The following ASB2 variants were observed in gnomAD, a reference collection of about 807,000 sequenced individuals.
ASB2 encodes the protein ankyrin repeat and SOCS box protein 2.
Under a neutral mutation model 62.4 loss-of-function variants are expected in ASB2, and 58 were observed. The ratio of observed to expected loss-of-function variants is 0.93; its 90% CI spans 0.75 to 1.16. The LOEUF (loss-of-function observed/expected upper bound fraction) is 1.16, where lower values mean the gene tolerates loss of function less well. Ranked by LOEUF, ASB2 falls within the 50% of genes most tolerant of loss-of-function variation. The pLI is 0.00. For missense variants in ASB2, 928 were observed against 887.9 expected, an observed-to-expected ratio of 1.05 and a Z score of -0.57; for synonymous variants, 386 against 385.3, an observed-to-expected ratio of 1.00 and a Z score of -0.02.
intron 5 of ASB2, among the ~76,000 whole-genome samples, chr14:93,952,618 G>A (rs943921618): frequency 2.0e-5 from 3 of 152,218 alleles, no homozygotes; most frequent in Admixed American, 1.3e-4. Context: ...ACCTCCCTGA[G>A]TTTAAACCAC....
At chr14:93,942,751 C>T (rs1249791889) in intron 7 of ASB2, among the ~76,000 whole-genome samples, 2 of 152,216 alleles carry the variant, frequency 1.3e-5, no homozygotes, top group South Asian at 2.1e-4. Flanking sequence ...ACATGGGTTA[C>T]ACACCAGCTC....
At chr14:93,949,854 C>G (rs150401757) in intron 6 of ASB2, among the ~76,000 whole-genome samples, 2,108 of 152,250 alleles carry the variant, frequency 0.014, 32 homozygotes, top group Middle Eastern at 0.048. Context: ...TTTGTTCTTA[C>G]GCTGGGCAGT....
At chr14:93,964,205 A>G in intron 2 of ASB2, 129 bp downstream of exon 2, 1 of 791,490 alleles carries the variant, frequency 1.3e-6, no homozygotes. Flanking sequence ...TAACAAATGT[A>G]AATGGGAAAG....
At chr14:93,957,222 C>T (rs138445914) in intron 2 of ASB2, 162 of 1,245,558 alleles carry the variant, frequency 1.3e-4, no homozygotes, top group African/African-American at 6.6e-4. Flanking sequence ...GAGCCGTGGT[C>T]GGCAGGTCCC....
intron 7 of ASB2, among the ~76,000 whole-genome samples, chr14:93,947,076 TTAAA>T (rs1198326254): frequency 6.6e-6 from 1 of 152,236 alleles, no homozygotes; most frequent in Non-Finnish European, 1.5e-5. Flanking sequence ...GTTAAGCAGA[TTAAA>T]TAAGTTTCTG....
chr14:93,951,136 C>T lies in ASB2; in HGVS notation c.743G>A (p.Arg248His), dbSNP rs767336140. Residue 248 changes from arginine (R) to histidine (H), a missense_variant, in exon 6 of 10, where the codon CGC becomes CAC. Transcript: ENST00000555019. ...GWTALHESVS[R>H]NDLEVMQILV... ...GATCTGCATGACCTCCAGGTCATTG[C>T]GAGACACAGACTCGTGCAGAGCGGT... The T allele has an allele frequency of 2.2e-5, 35 of 1,614,064 alleles. No homozygotes were observed. The highest frequency in any genetic ancestry group is 1.3e-4 in the African/African-American group (10 of 74,944).
intron 5 of ASB2, 94 bp from the exon 6 acceptor site, chr14:93,951,338 C>G: frequency 7.1e-7 from 1 of 1,415,724 alleles, no homozygotes; most frequent in Admixed American, 2.1e-5. Flanking sequence ...CACTCATCCA[C>G]TCATTCAGCT....
chr14:93,939,621 G>T lies in ASB2; in HGVS notation c.1104C>A (p.Ser368Arg). 1 of 1,547,234 alleles carries T rather than the reference G, an allele frequency of 6.5e-7. No individual in the cohort carries two copies. Among genetic ancestry groups the T allele is most frequent in the Non-Finnish European group, 8.7e-7 (1 of 1,154,218 alleles). Residue 368 changes from serine to arginine, a missense_variant, in exon 8 of 10, where the codon AGC (serine) becomes AGA (arginine). Ser to Arg is a moderately radical substitution (Grantham distance 110, BLOSUM62 -1). Transcript: ENST00000555019. Reference sequence around the variant, plus strand: ...CCGCCAGGTGCAGCGGACTGACGCCGCTACGGCGTATGCGCGTGCGGCTGG... The same window carrying T: ...CCGCCAGGTGCAGCGGACTGACGCCTCTACGGCGTATGCGCGTGCGGCTGG... ...PVTSRTRIRR[S>R]GVSPLHLAAE...
At chr14:93,956,201 G>GC (rs895931150) in intron 3 of ASB2, among the ~76,000 whole-genome samples, 6 of 152,180 alleles carry the variant, frequency 3.9e-5, no homozygotes, top group African/African-American at 7.2e-5. Context: ...CATTAGCCCT[G>GC]CCCCCTGGTG....
In ASB2 at chr14:93,937,839, C is replaced by G. The variant is rs572067592; in HGVS notation, c.1630G>C (p.Val544Leu). ...EPSVVQFCEF[V>L]SAPEVSRWAG... ...CAGCGGCTCACCTCTGGGGCAGATA[C>G]GAACTCACAGAACTGAAAGAGAACA... Residue 544 changes from valine (V) to leucine (L), a missense_variant, in exon 9 of 10, where the codon GTA becomes CTA. Physicochemically the swap from Val to Leu is conservative, Grantham distance 32. Coordinates refer to ENST00000555019, the MANE Select transcript of ASB2 (RefSeq NM_001202429.2). The G allele has an allele frequency of 6.3e-7, 1 of 1,598,064 alleles. No homozygotes were observed. Among genetic ancestry groups the G allele is most frequent in the Non-Finnish European group, 8.6e-7 (1 of 1,166,820 alleles).
chr14:93,947,990 G>A (rs1232804157), intron 6 of ASB2, among the ~76,000 whole-genome samples: 7 of 60,838 alleles, frequency 1.2e-4, no homozygotes, highest in South Asian at 7.9e-4. Flanking sequence ...GTGAAACTCC[G>A]CCTGGAAAAA....
At chr14:93,959,580 T>C (rs1435958230) in intron 2 of ASB2, among the ~76,000 whole-genome samples, 1 of 152,164 alleles carries the variant, frequency 6.6e-6, no homozygotes, top group African/African-American at 2.4e-5. Context: ...GAGCCTGGCC[T>C]CGGCAGGATG....
chr14:93,956,675 T>TG, intron 3 of ASB2, 91 bp downstream of exon 3: 1 of 1,545,518 alleles, frequency 6.5e-7, no homozygotes, highest in Non-Finnish European at 8.9e-7. Context: ...TCTGCCCTCC[T>TG]GGGGGCTGTG....
Position 93,964,561 on chromosome 14 carries a change from GC to G in ASB2, c.-23del, listed in dbSNP as rs1567031576. 6.5e-7 allele frequency: 1 copy of G among 1,535,404 alleles called. No individual in the cohort carries two copies. Among genetic ancestry groups the G allele is most frequent in the Admixed American group, 2.0e-5 (1 of 50,994 alleles). Reference sequence around the variant, plus strand: ...CCATCCTCCTCCACCTCTCACCCTGGCCTCCAGAACAGACACCCAGTGGGGA... The same window carrying G: ...CCATCCTCCTCCACCTCTCACCCTGGCTCCAGAACAGACACCCAGTGGGGA... On this transcript the variant is annotated 5_prime_UTR_variant, in exon 2 of 10. Coordinates refer to ENST00000555019, the MANE Select transcript of ASB2 (RefSeq NM_001202429.2).
At chr14:93,959,995 C>A (rs1041023013) in intron 2 of ASB2, among the ~76,000 whole-genome samples, 1 of 114,380 alleles carries the variant, frequency 8.7e-6, no homozygotes, top group African/African-American at 4.5e-5. Context: ...CCCACGCCCA[C>A]CCCATGCCAC....
rs149354964 is a variant in ASB2, at chr14:93,975,866, G to A, written c.-74+568C>T. 3.9e-3 allele frequency among the ~76,000 whole-genome samples: 600 copies of A among 152,294 alleles called. 3 individuals are homozygous for A. Among genetic ancestry groups the A allele is most frequent in the African/African-American group, 0.014 (579 of 41,558 alleles). ...GTGCACACACATGCATGGTATTCTT[G>A]CATCCCTGCATTCCACAGCTTTGTT... is the stretch of plus-strand genomic sequence containing the variant. On this transcript the variant is annotated intron_variant, in intron 1 of 9. Coordinates refer to ENST00000555019, the MANE Select transcript of ASB2 (RefSeq NM_001202429.2).
At chr14:93,951,379 C>CATTGTATTAAGTTCCAATCCT in intron 5 of ASB2, 135 bp from the exon 6 acceptor site, 1 of 1,064,822 alleles carries the variant, frequency 9.4e-7, no homozygotes, top group Non-Finnish European at 1.3e-6. Context: ...GTTCCAATCC[C>CATTGTATTAAGTTCCAATCCT]TGCATTGAAC....
intron 4 of ASB2, 97 bp from the exon 5 acceptor site, chr14:93,953,604 T>A: frequency 9.4e-7 from 1 of 1,068,772 alleles, no homozygotes; most frequent in Non-Finnish European, 1.3e-6. Context: ...AAGAACAATG[T>A]ATGACATCCT....
At position 93,964,616 on chromosome 14, in the gene ASB2, T is replaced by C; in HGVS notation, c.-73-4A>G. The C allele has an allele frequency of 7.2e-7, 1 of 1,394,922 alleles. No individual in the cohort carries two copies. The highest frequency in any genetic ancestry group is 9.8e-7 in the Non-Finnish European group (1 of 1,019,756). 86.4% of individuals were successfully genotyped at this position (1,394,922 alleles called of 1,614,324 possible). On this transcript the variant is annotated splice_polypyrimidine_tract_variant and splice_region_variant and intron_variant, in intron 1 of 9. Transcript: ENST00000555019. ...GGGAACAGCAAATCAGAAAACCCTG[T>C]GAGGAAACCAAAACCATCCTGGTCA... is the stretch of plus-strand genomic sequence containing the variant.
Sources: gnomAD v4.1 joint callset for allele counts (sites outside exome capture counted in the v4.1 genomes callset) on GRCh38, gnomAD v4.1.1 for gene constraint, MANE v1.5 for transcripts, NCBI Gene and HGNC (gene_info 2026-07-23, HGNC 2026-07-21) for gene names.